The following MAGI3 variants were observed in gnomAD, a reference collection of about 807,000 sequenced individuals.
MAGI3 encodes the protein membrane-associated guanylate kinase, WW and PDZ domain-containing protein 3.
In MAGI3, 43 loss-of-function variants were observed where a neutral mutation model predicts 121.8. The ratio of observed to expected loss-of-function variants is 0.35; its 90% CI spans 0.28 to 0.46. MAGI3 has a LOEUF of 0.46. MAGI3 is among the 20% of genes least tolerant of loss of function. The probability of loss-of-function intolerance (pLI) is 1.00; values close to 1 mark genes in which losing one functional copy is unlikely to be tolerated. For missense variants in MAGI3, 1,547 were observed against 1,797.3 expected, an observed-to-expected ratio of 0.86 and a Z score of 2.52; for synonymous variants, 553 against 639.3, an observed-to-expected ratio of 0.86 and a Z score of 2.04.
intron 2 of MAGI3, among the ~76,000 whole-genome samples, chr1:113,555,744 A>AT (rs1659962542): frequency 6.6e-6 from 1 of 151,926 alleles, no homozygotes; most frequent in African/African-American, 2.4e-5. Flanking sequence ...ACAAAAAAAA[A>AT]TTTTTTTAAT....
intron 1 of MAGI3, among the ~76,000 whole-genome samples, chr1:113,492,582 A>C (rs1006824868): frequency 9.2e-5 from 14 of 152,200 alleles, no homozygotes; most frequent in African/African-American, 3.4e-4. Context: ...CAGAGCATCC[A>C]TATAGGAGGA....
chr1:113,485,035 A>G (rs1243789784), intron 1 of MAGI3, among the ~76,000 whole-genome samples: 1 of 151,954 alleles, frequency 6.6e-6, no homozygotes, highest in Non-Finnish European at 1.5e-5. Context: ...CCTAACCCAT[A>G]TATACCATAT....
chr1:113,536,980 A>C (rs973372048), intron 1 of MAGI3, among the ~76,000 whole-genome samples: 4 of 152,118 alleles, frequency 2.6e-5, no homozygotes, highest in African/African-American at 9.7e-5. Context: ...TACATTCTCC[A>C]CACAAAGTTA....
chr1:113,515,494 A>G (rs1381034306), intron 1 of MAGI3, among the ~76,000 whole-genome samples: 1 of 152,168 alleles, frequency 6.6e-6, no homozygotes, highest in Non-Finnish European at 1.5e-5. Flanking sequence ...TATTTTTTGA[A>G]TACAAATTCT....
At chr1:113,626,376 T>A (rs1389306142) in intron 9 of MAGI3, among the ~76,000 whole-genome samples, 1 of 152,240 alleles carries the variant, frequency 6.6e-6, no homozygotes, top group African/African-American at 2.4e-5. Flanking sequence ...AATATTTTGT[T>A]GAGGAGTTTT....
chr1:113,581,620 T>C (rs1274266839), intron 3 of MAGI3, among the ~76,000 whole-genome samples: 1 of 152,154 alleles, frequency 6.6e-6, no homozygotes, highest in Non-Finnish European at 1.5e-5. Flanking sequence ...AGAGCTCATG[T>C]GTGGACTATT....
At chr1:113,680,630 G>A (rs535483444) in intron 19 of MAGI3, among the ~76,000 whole-genome samples, 2 of 152,040 alleles carry the variant, frequency 1.3e-5, no homozygotes, top group Non-Finnish European at 2.9e-5. Context: ...GGTGGCGGGC[G>A]CCTGTAGTCC....
intron 1 of MAGI3, among the ~76,000 whole-genome samples, chr1:113,546,136 C>A (rs2101663093): frequency 6.6e-6 from 1 of 152,248 alleles, no homozygotes; most frequent in South Asian, 2.1e-4. Flanking sequence ...TTAGGAAGTT[C>A]TTTTGGCAGT....
At chr1:113,503,328 A>G (rs1657137386) in intron 1 of MAGI3, among the ~76,000 whole-genome samples, 1 of 147,818 alleles carries the variant, frequency 6.8e-6, no homozygotes, top group Non-Finnish European at 1.5e-5. Context: ...AAAAAAAAAA[A>G]AAAAAGGCTT....
chr1:113,640,952 A>ATATC (rs1652428655), intron 9 of MAGI3, among the ~76,000 whole-genome samples: 1 of 116,580 alleles, frequency 8.6e-6, no homozygotes, highest in Non-Finnish European at 1.7e-5. Context: ...AAATATATAT[A>ATATC]ATATTAAATA....
intron 1 of MAGI3, among the ~76,000 whole-genome samples, chr1:113,455,079 G>A (rs1386006380): frequency 6.6e-6 from 1 of 151,590 alleles, no homozygotes; most frequent in Non-Finnish European, 1.5e-5. Flanking sequence ...AGTGGGTCAG[G>A]GTAGAAATAA....
intron 1 of MAGI3, among the ~76,000 whole-genome samples, chr1:113,395,245 T>A (rs1278566193): frequency 6.6e-6 from 1 of 151,672 alleles, no homozygotes; most frequent in Non-Finnish European, 1.5e-5. Context: ...CGTACCTTTT[T>A]TAAAACAAGA....
At chr1:113,531,808 C>T (rs1658741235) in intron 1 of MAGI3, among the ~76,000 whole-genome samples, 1 of 152,084 alleles carries the variant, frequency 6.6e-6, no homozygotes, top group African/African-American at 2.4e-5. Context: ...CACCATGTCT[C>T]CCTTTAAGGT....
chr1:113,393,013 G>T (rs1302776114), intron 1 of MAGI3, among the ~76,000 whole-genome samples: 2 of 152,094 alleles, frequency 1.3e-5, no homozygotes, highest in East Asian at 3.9e-4. Flanking sequence ...CTTATTTTTA[G>T]AAATTTTAAA....
intron 1 of MAGI3, among the ~76,000 whole-genome samples, chr1:113,407,955 T>G (rs1651776751): frequency 6.6e-6 from 1 of 152,158 alleles, no homozygotes; most frequent in African/African-American, 2.4e-5. Context: ...GGAAAGTACC[T>G]TCTAATGTTG....
chr1:113,645,485 G>A (rs1358656463), intron 11 of MAGI3, among the ~76,000 whole-genome samples: 1 of 152,142 alleles, frequency 6.6e-6, no homozygotes, highest in African/African-American at 2.4e-5. Flanking sequence ...CATAATGGAT[G>A]CCACTGCAGT....
Position 113,647,244 on chromosome 1 carries a change from A to G in MAGI3, c.2155+602A>G, listed in dbSNP as rs80161923. Reference sequence around the variant, plus strand: ...CTTTCGCTGGGTGCAATTGGCAAGGAAAGTCACAGAGGAGAGCAGGAACAG... The same window carrying G: ...CTTTCGCTGGGTGCAATTGGCAAGGGAAGTCACAGAGGAGAGCAGGAACAG... On this transcript the variant is annotated intron_variant, in intron 12 of 20. Transcript: ENST00000307546. Among the ~76,000 whole-genome samples, 132 of 152,350 alleles carry G rather than the reference A, an allele frequency of 8.7e-4. 1 individual carries two copies. In the East Asian group the frequency reaches 0.023, roughly 26 times the overall value.
In MAGI3 at chr1:113,390,733, A is replaced by G. The variant is rs977064165; in HGVS notation, c.-301A>G. On this transcript the variant is annotated 5_prime_UTR_variant, in exon 1 of 21. Transcript: ENST00000307546. ...CAGCCGGCGGCAGTGACCCCGCCCG[A>G]AGCCCCTTCTGGAACCTCCTGGGGA... The G allele has an allele frequency of 1.2e-5, 2 of 165,792 alleles. No homozygotes were observed. Among genetic ancestry groups the G allele is most frequent in the African/African-American group, 4.8e-5 (2 of 41,826 alleles). 10.3% of individuals were successfully genotyped at this position (165,792 alleles called of 1,614,324 possible). A position where few individuals can be genotyped will look rare whatever the true frequency, so the allele number is the denominator to read the frequency against.
Position 113,510,564 on chromosome 1 carries a change from T to G in MAGI3, c.317-38951T>G, listed in dbSNP as rs554820341. The stretch of plus-strand genomic sequence containing the variant: ...AAACTTTTGAGATATCGCCCTTAAG[T>G]TTTTCTCTACTTAGACTGTTTCTCT... On this transcript the variant is annotated intron_variant, in intron 1 of 20. Transcript: ENST00000307546. 2.6e-5 allele frequency among the ~76,000 whole-genome samples: 4 copies of G among 152,306 alleles called. 1 individual carries two copies. The highest frequency in any genetic ancestry group is 2.6e-4 in the Admixed American group (4 of 15,304).
Sources: gnomAD v4.1 joint callset for allele counts (sites outside exome capture counted in the v4.1 genomes callset) on GRCh38, gnomAD v4.1.1 for gene constraint, MANE v1.5 for transcripts, NCBI Gene and HGNC (gene_info 2026-07-23, HGNC 2026-07-21) for gene names.